Variants in TENM1 observed in about 807,000 individuals in gnomAD.
The protein encoded by TENM1 is teneurin transmembrane protein 1, also known as teneurin-1.
A neutral mutation model predicts 174.8 loss-of-function variants in TENM1; 35 were observed. The ratio of observed to expected loss-of-function variants is 0.20; its 90% CI spans 0.15 to 0.27. The LOEUF is 0.27. TENM1 is among the 10% of genes least tolerant of loss of function. TENM1 has a pLI of 1.00. For synonymous variants in TENM1, 781 were observed against 798.7 expected, an observed-to-expected ratio of 0.98 and a Z score of 0.37; for missense variants, 1,633 against 2,130.1, an observed-to-expected ratio of 0.77 and a Z score of 4.59.
upstream of TENM1, among the ~76,000 whole-genome samples, chrX:124,967,830 C>A (rs1314444465): frequency 9.0e-6 from 1 of 111,579 alleles, no homozygotes; most frequent in Non-Finnish European, 1.9e-5. Context: ...TCCCCCATAC[C>A]CTTCCTGCTC....
At chrX:124,526,277 TC>T (rs1383458647) in intron 16 of TENM1, among the ~76,000 whole-genome samples, 1 of 112,042 alleles carries the variant, frequency 8.9e-6, no homozygotes, top group African/African-American at 3.2e-5. Flanking sequence ...GAGTTTCCAG[TC>T]TTCTAGCCTG....
chrX:124,599,098 G>A (rs1244671954), intron 11 of TENM1, among the ~76,000 whole-genome samples: 1 of 111,379 alleles, frequency 9.0e-6, no homozygotes, highest in Non-Finnish European at 1.9e-5. Context: ...CAAGGTTTCA[G>A]ACATCCACTG....
the TENM1 span, among the ~76,000 whole-genome samples, chrX:125,088,821 T>C: frequency 1.8e-5 from 2 of 111,089 alleles, no homozygotes; most frequent in Non-Finnish European, 3.8e-5. Flanking sequence ...TAACAAAAAT[T>C]GCACGTGTTC....
At chrX:124,498,234 C>T (rs1924183943) in intron 19 of TENM1, among the ~76,000 whole-genome samples, 1 of 111,261 alleles carries the variant, frequency 9.0e-6, no homozygotes, top group African/African-American at 3.3e-5. Context: ...CCCATTGAGT[C>T]TATCCCTTAA....
chrX:124,957,088 C>A (rs868249832), intron 1 of TENM1, among the ~76,000 whole-genome samples: 1 of 111,805 alleles, frequency 8.9e-6, no homozygotes, highest in African/African-American at 3.3e-5. Context: ...CACTAGGGTA[C>A]ATTTATTTCA....
the TENM1 span, among the ~76,000 whole-genome samples, chrX:125,097,992 G>A: frequency 4.4e-5 from 5 of 112,525 alleles, no homozygotes; most frequent in African/African-American, 1.6e-4. Context: ...GGCCGGGCGC[G>A]GTGGCTCACG....
chrX:124,499,762 C>T (rs931329556), intron 19 of TENM1, among the ~76,000 whole-genome samples: 1 of 111,422 alleles, frequency 9.0e-6, no homozygotes, highest in African/African-American at 3.3e-5. Flanking sequence ...AGAAATCTCC[C>T]GATGATTGCT....
chrX:125,114,442 T>A, the TENM1 span, among the ~76,000 whole-genome samples: 1 of 110,881 alleles, frequency 9.0e-6, no homozygotes, highest in Non-Finnish European at 1.9e-5. Context: ...AAAAAATCAA[T>A]GAACCCAGGA....
intron 3 of TENM1, among the ~76,000 whole-genome samples, chrX:124,807,910 CA>C (rs2055654694): frequency 1.8e-5 from 2 of 109,955 alleles, no homozygotes; most frequent in Non-Finnish European, 3.8e-5. Context: ...CACACACACA[CA>C]CACACACAGA....
chrX:124,999,466 G>C, the TENM1 span, among the ~76,000 whole-genome samples: 2 of 111,038 alleles, frequency 1.8e-5, no homozygotes, highest in Non-Finnish European at 3.8e-5. Flanking sequence ...AATCTGACGT[G>C]ATTAACTAAT....
chrX:125,032,688 A>G, the TENM1 span, among the ~76,000 whole-genome samples: 13 of 110,962 alleles, frequency 1.2e-4, no homozygotes, highest in Admixed American at 1.9e-4. Flanking sequence ...TTTATTATTT[A>G]ATTTTGCTGC....
intron 27 of TENM1, among the ~76,000 whole-genome samples, chrX:124,403,472 A>C (rs1437503917): frequency 9.5e-6 from 1 of 104,944 alleles, no homozygotes; most frequent in African/African-American, 3.5e-5. Context: ...GTGAGCCGAG[A>C]TCGCACCACT....
chrX:125,098,984 T>C, the TENM1 span, among the ~76,000 whole-genome samples: 1 of 112,011 alleles, frequency 8.9e-6, no homozygotes, highest in African/African-American at 3.2e-5. Flanking sequence ...AAATAATGAA[T>C]AAACAACCAC....
intron 1 of TENM1, among the ~76,000 whole-genome samples, chrX:124,908,846 G>C (rs1486463749): frequency 9.1e-6 from 1 of 109,443 alleles, no homozygotes; most frequent in Non-Finnish European, 1.9e-5. Context: ...TGAGAGAAAG[G>C]TTGTTATTAT....
intron 3 of TENM1, among the ~76,000 whole-genome samples, chrX:124,796,574 A>C (rs1341818131): frequency 1.8e-5 from 2 of 111,941 alleles, no homozygotes; most frequent in African/African-American, 6.5e-5. Context: ...TTCTAAATCA[A>C]GTACCTTGAG....
intron 14 of TENM1, among the ~76,000 whole-genome samples, chrX:124,550,125 C>A (rs2048526926): frequency 9.0e-6 from 1 of 111,416 alleles, no homozygotes; most frequent in Non-Finnish European, 1.9e-5. Flanking sequence ...CCTAGCTTTG[C>A]CAACCAGTTT....
At chrX:124,577,647 T>C (rs1046632230) in intron 11 of TENM1, among the ~76,000 whole-genome samples, 1 of 111,800 alleles carries the variant, frequency 8.9e-6, no homozygotes, top group Non-Finnish European at 1.9e-5. Context: ...CTTCTAAGGA[T>C]TAATAATGGA....
chrX:124,477,749 C>CAA (rs58693858), intron 22 of TENM1, among the ~76,000 whole-genome samples: 1,434 of 43,884 alleles, frequency 0.033, 9 homozygotes, highest in African/African-American at 0.095. Flanking sequence ...GACTTCGTCT[C>CAA]AAAAAAAAAA....
the TENM1 span, among the ~76,000 whole-genome samples, chrX:125,163,378 T>C: frequency 9.0e-6 from 1 of 110,551 alleles, no homozygotes; most frequent in Non-Finnish European, 1.9e-5. Flanking sequence ...AATGCATCAA[T>C]AGTAAATAAT....
Sources: gnomAD v4.1 joint callset for allele counts (sites outside exome capture counted in the v4.1 genomes callset) on GRCh38, gnomAD v4.1.1 for gene constraint, MANE v1.5 for transcripts, NCBI Gene and HGNC (gene_info 2026-07-23, HGNC 2026-07-21) for gene names.